Variants in UTP20 observed in about 807,000 individuals in gnomAD.
UTP20 encodes small subunit processome component 20 homolog.
A neutral mutation model predicts 329.5 loss-of-function variants in UTP20; 164 were observed. The ratio of observed to expected loss-of-function variants is 0.50; its 90% CI spans 0.44 to 0.57. UTP20 has a LOEUF of 0.57. Among genes scored for constraint, UTP20 ranks in the 20% least tolerant of loss-of-function variants. The pLI, the probability that UTP20 is intolerant of heterozygous loss-of-function variation, is 0.00. For synonymous variants in UTP20, 1,151 were observed against 1,159.3 expected, an observed-to-expected ratio of 0.99 and a Z score of 0.14; for missense variants, 3,055 against 3,284.2, an observed-to-expected ratio of 0.93 and a Z score of 1.71.
At position 101,383,073 on chromosome 12, in the gene UTP20, C is replaced by A. The variant is rs778357467; in HGVS notation, c.7689C>A (p.Val2563=). ...VVKNLLFAAK[V]LYLLELYCED... is the part of the protein sequence containing the mutation. ...AGAATTTGTTGTTCGCAGCCAAAGT[C>A]TTGTATTTACTGGAACTTTATTGTG... Residue 2563 remains valine, a synonymous_variant, in exon 59 of 62, where the codon GTC becomes GTA. Coordinates refer to ENST00000261637, the MANE Select transcript of UTP20 (RefSeq NM_014503.3). 10 of 1,608,860 alleles carry A rather than the reference C, an allele frequency of 6.2e-6. No homozygotes were observed. Among genetic ancestry groups the A allele is most frequent in the East Asian group, 2.2e-5 (1 of 44,840 alleles).
Position 101,342,602 on chromosome 12 carries a change from C to T in UTP20, c.4245+13C>T, listed in dbSNP as rs149055840. On this transcript the variant is annotated intron_variant, in intron 33 of 61. Coordinates refer to ENST00000261637, the MANE Select transcript of UTP20 (RefSeq NM_014503.3). Reference sequence around the variant, plus strand: ...TACGGTTTTTGAGGTCTGTACTATTCATTTTTACTCCAAATCACCCTTTTA... The same window carrying T: ...TACGGTTTTTGAGGTCTGTACTATTTATTTTTACTCCAAATCACCCTTTTA... 2,622 of 1,596,896 alleles carry T rather than the reference C, an allele frequency of 1.6e-3. 11 individuals are homozygous for T. The highest frequency in any genetic ancestry group is 0.013 in the African/African-American group (945 of 73,850).
At position 101,383,062 on chromosome 12, in the gene UTP20, G is replaced by A. The variant is rs770137347; in HGVS notation, c.7678G>A (p.Ala2560Thr). The change falls in exon 59 of 62, where the codon GCA (alanine) becomes ACA (threonine). Residue 2560 changes from alanine to threonine, a missense_variant. By Grantham distance (58) the Ala-to-Thr change is moderately conservative. This residue lies in a region of UTP20 where 337 missense variants were observed against 345.5 expected (regional missense o/e 0.98). Transcript: ENST00000261637. ...AAAGGTTGTTAAGAATTTGTTGTTC[G>A]CAGCCAAAGTCTTGTATTTACTGGA... ...GEQVVKNLLF[A>T]AKVLYLLELY... 78 of 1,590,362 alleles carry A rather than the reference G, an allele frequency of 4.9e-5. No individual in the cohort carries two copies. The highest frequency in any genetic ancestry group is 6.2e-5 in the Non-Finnish European group (73 of 1,172,026).
At chr12:101,288,537 A>G (rs930698921) in intron 5 of UTP20, among the ~76,000 whole-genome samples, 2 of 152,190 alleles carry the variant, frequency 1.3e-5, no homozygotes, top group African/African-American at 4.8e-5. Context: ...TACCTGACCA[A>G]CTTTATCCAT....
intron 21 of UTP20, among the ~76,000 whole-genome samples, chr12:101,313,024 C>A (rs1469020175): frequency 6.6e-6 from 1 of 152,158 alleles, no homozygotes; most frequent in East Asian, 1.9e-4. Flanking sequence ...AGTGACCCAA[C>A]AGCAACACTG....
Position 101,280,232 on chromosome 12 carries a change from C to A in UTP20, c.-51C>A. 6.5e-7 allele frequency: 1 copy of A among 1,549,248 alleles called. No homozygotes were observed. The highest frequency in any genetic ancestry group is 8.7e-7 in the Non-Finnish European group (1 of 1,145,042). ...GCTTTCCCCTCCTTACTGTCGGTTG[C>A]ATCCCTTCGACACTCCCGAGGCCGT... On this transcript the variant is annotated 5_prime_UTR_variant, in exon 1 of 62. Transcript: ENST00000261637.
Position 101,292,073 on chromosome 12 carries a change from C to G in UTP20, c.1142C>G (p.Pro381Arg). The change falls in exon 10 of 62, where the codon CCG becomes CGG. Residue 381 changes from proline (P) to arginine (R), a missense_variant. Coordinates refer to ENST00000261637, the MANE Select transcript of UTP20 (RefSeq NM_014503.3). ...ALILGENVSL[P>R]ETLIKETIEK... ...ATCCTGGGTGAAAATGTTTCCTTGC[C>G]GGAGACCCTCATCAAAGAAACCATA... 1.9e-6 allele frequency: 3 copies of G among 1,613,618 alleles called. No individual in the cohort carries two copies. The South Asian group carries it at 3.3e-5, about 18-fold the overall frequency.
chr12:101,308,734 G>GTT (rs34029914), intron 18 of UTP20, among the ~76,000 whole-genome samples: 11 of 144,172 alleles, frequency 7.6e-5, no homozygotes, highest in Admixed American at 2.1e-4. Context: ...AGCTCTCTAT[G>GTT]TTTTTTTTTT....
At chr12:101,324,579 C>T (rs947334019) in intron 25 of UTP20, among the ~76,000 whole-genome samples, 1 of 152,128 alleles carries the variant, frequency 6.6e-6, no homozygotes. Context: ...CAGAGTGCCA[C>T]TTTTAATATG....
At chr12:101,369,978 C>T in intron 49 of UTP20, 87 bp downstream of exon 49, 3 of 1,352,016 alleles carry the variant, frequency 2.2e-6, no homozygotes, top group Non-Finnish European at 3.0e-6. Flanking sequence ...CTTTGGGAGG[C>T]TGAGGTGGGA....
chr12:101,383,505 G>T, intron 59 of UTP20, 38 bp from the exon 60 acceptor site: 2 of 1,601,384 alleles, frequency 1.2e-6, no homozygotes, highest in Non-Finnish European at 1.7e-6. Flanking sequence ...GTGCTAAAGA[G>T]AAGTCTTTCA....
At chr12:101,374,102 GC>G (rs1478587435) in intron 54 of UTP20, among the ~76,000 whole-genome samples, 6 of 150,572 alleles carry the variant, frequency 4.0e-5, no homozygotes, top group Non-Finnish European at 8.9e-5. Context: ...GGGCGTAGTG[GC>G]GGGCGCCTGT....
chr12:101,327,261 A>G lies in UTP20; in HGVS notation c.3208+14A>G, dbSNP rs369937458. 1.1e-5 allele frequency: 17 copies of G among 1,574,952 alleles called. No homozygotes were observed. Among genetic ancestry groups the G allele is most frequent in the South Asian group, 2.3e-5 (2 of 86,956 alleles). ...ATTTCAAGAATGGTAACTATCAGCT[A>G]CCTCTCACTCTAATACCTGTTGTCT... On this transcript the variant is annotated intron_variant, in intron 26 of 61. Coordinates refer to ENST00000261637, the MANE Select transcript of UTP20 (RefSeq NM_014503.3).
intron 15 of UTP20, among the ~76,000 whole-genome samples, chr12:101,304,555 A>C (rs922276128): frequency 2.0e-5 from 3 of 152,142 alleles, no homozygotes; most frequent in Non-Finnish European, 2.9e-5. Flanking sequence ...TATAGGACAG[A>C]TCATGCCACT....
At chr12:101,322,822 AT>A (rs1210597718) in intron 25 of UTP20, among the ~76,000 whole-genome samples, 1 of 152,236 alleles carries the variant, frequency 6.6e-6, no homozygotes, top group Admixed American at 6.5e-5. Context: ...GAGGGAGTGA[AT>A]AAGTGAATAT....
intron 60 of UTP20, among the ~76,000 whole-genome samples, chr12:101,384,941 A>T (rs532052784): frequency 3.3e-5 from 5 of 152,262 alleles, no homozygotes; most frequent in African/African-American, 1.2e-4. Flanking sequence ...CAACAGCAGG[A>T]AAGTTTTCAA....
At position 101,286,252 on chromosome 12, in the gene UTP20, C is replaced by CTA; in HGVS notation, c.327-67_327-66dup. On this transcript the variant is annotated intron_variant, in intron 4 of 61. Coordinates refer to ENST00000261637, the MANE Select transcript of UTP20 (RefSeq NM_014503.3). ...TAATCCTATGATCATAGGCCACCTA[C>CTA]TATCGTTAAGTAGATTTGTAGCCTT... 4 of 1,379,546 alleles carry CTA rather than the reference C, an allele frequency of 2.9e-6. No homozygotes were observed. The East Asian group carries it at 9.3e-5, about 32-fold the overall frequency. The allele number at this position is 1,379,546 out of a possible 1,614,324, so 85.5% of individuals were successfully genotyped here.
intron 26 of UTP20, among the ~76,000 whole-genome samples, chr12:101,328,893 G>C (rs1868657671): frequency 6.6e-6 from 1 of 151,186 alleles, no homozygotes; most frequent in South Asian, 2.1e-4. Flanking sequence ...AAAATTACCA[G>C]ATGGAATAAG....
chr12:101,370,371 A>T, intron 49 of UTP20, 61 bp from the exon 50 acceptor site: 1 of 1,562,376 alleles, frequency 6.4e-7, no homozygotes, highest in African/African-American at 1.4e-5. Context: ...AGTCCTTGTC[A>T]TTTCACTGGA....
At chr12:101,317,439 GT>G (rs781647159) in intron 21 of UTP20, 38 bp from the exon 22 acceptor site, 7 of 1,601,520 alleles carry the variant, frequency 4.4e-6, no homozygotes. Flanking sequence ...ATTGGTGTGC[GT>G]TCTTCATCAG....
Sources: gnomAD v4.1 joint callset for allele counts (sites outside exome capture counted in the v4.1 genomes callset) on GRCh38, gnomAD v4.1.1 for gene constraint, gnomAD v4.1.1 regional missense constraint, MANE v1.5 for transcripts, NCBI Gene and HGNC (gene_info 2026-07-23, HGNC 2026-07-21) for gene names.